Variants in TM2D1 observed in about 807,000 individuals in gnomAD.
The protein encoded by TM2D1 is TM2 domain-containing protein 1.
Under a neutral mutation model 28.4 loss-of-function variants are expected in TM2D1, and 15 were observed. The ratio of observed to expected loss-of-function variants is 0.53; its 90% confidence interval spans 0.35 to 0.81. The LOEUF (loss-of-function observed/expected upper bound fraction) is 0.81, where lower values mean the gene tolerates loss of function less well. Among genes scored for constraint, TM2D1 ranks in the 40% least tolerant of loss-of-function variants. TM2D1 has a pLI of 0.01. For synonymous variants in TM2D1, 93 were observed against 96.2 expected (o/e 0.97, Z 0.20); for missense variants, 236 against 254.9 (o/e 0.93, Z 0.50).
intron 6 of TM2D1, among the ~76,000 whole-genome samples, chr1:61,681,917 A>AT (rs1189062154): frequency 6.6e-6 from 1 of 152,066 alleles, no homozygotes; most frequent in Non-Finnish European, 1.5e-5. Context: ...TTAGGTCTTG[A>AT]TTTTTTTCCT....
intron 4 of TM2D1, chr1:61,700,396 C>A: frequency 8.4e-7 from 1 of 1,189,988 alleles, no homozygotes; most frequent in Non-Finnish European, 1.1e-6. Context: ...TTTTCATAAG[C>A]ATTAGTAACT....
chr1:61,723,650 A>T (rs1557542654), intron 2 of TM2D1, 63 bp downstream of exon 2: 2 of 851,282 alleles, frequency 2.3e-6, no homozygotes, highest in Non-Finnish European at 3.6e-6. Context: ...TAGTGATCAT[A>T]CATTGACCTA....
intron 2 of TM2D1, among the ~76,000 whole-genome samples, chr1:61,720,030 C>T (rs144304725): frequency 9.7e-4 from 147 of 152,216 alleles, no homozygotes; most frequent in African/African-American, 3.1e-3. Context: ...ACAGGTGTGT[C>T]GTTTGTGAAA....
chr1:61,692,434 AAAAG>A (rs945268820), intron 5 of TM2D1, among the ~76,000 whole-genome samples: 8 of 152,066 alleles, frequency 5.3e-5, no homozygotes, highest in African/African-American at 1.4e-4. Flanking sequence ...TTAATGGCAA[AAAAG>A]AAAGAAAGAA....
chr1:61,721,553 A>G (rs1644565261), intron 2 of TM2D1, among the ~76,000 whole-genome samples: 1 of 140,548 alleles, frequency 7.1e-6, no homozygotes, highest in African/African-American at 3.2e-5. Context: ...AAAAAAAAAA[A>G]AAAGAAAAAA....
At chr1:61,682,548 A>G (rs891010824) in intron 6 of TM2D1, among the ~76,000 whole-genome samples, 3 of 152,212 alleles carry the variant, frequency 2.0e-5, no homozygotes, top group African/African-American at 7.2e-5. Flanking sequence ...AGAAAACCAG[A>G]GAGTTGAACC....
At chr1:61,703,721 TATATATATA>T (rs1644419971) in intron 3 of TM2D1, among the ~76,000 whole-genome samples, 2 of 1,328 alleles carry the variant, frequency 1.5e-3, no homozygotes, top group African/African-American at 2.8e-3. Context: ...CCAATCTTTA[TATATATATA>T]TATATATATA....
chr1:61,723,289 G>A, intron 2 of TM2D1, among the ~76,000 whole-genome samples: 1 of 152,216 alleles, frequency 6.6e-6, no homozygotes, highest in Non-Finnish European at 1.5e-5. Flanking sequence ...GAAAGGACTT[G>A]TAGGTATTAT....
rs1486512444 is a variant in TM2D1, at chr1:61,724,987, G to A, written c.134C>T (p.Ser45Leu). ...CACTTTGAGGTCCTCGCACTTAAGCGACTCCTCGCCCCCGGCGGAGGTGGC... is the reference window on the plus strand; with the variant it reads ...CACTTTGAGGTCCTCGCACTTAAGCAACTCCTCGCCCCCGGCGGAGGTGGC... ...AVATSAGGEE[S>L]LKCEDLKVGQ... Residue 45 changes from serine (S) to leucine (L), a missense_variant, in exon 1 of 7, where the codon TCG (serine) becomes TTG (leucine). Physicochemically the swap from Ser to Leu is moderately radical, Grantham distance 145. Transcript: ENST00000606498. 8 of 1,605,998 alleles carry A rather than the reference G, an allele frequency of 5.0e-6. No individual in the cohort carries two copies.
intron 3 of TM2D1, among the ~76,000 whole-genome samples, chr1:61,702,663 T>C (rs1245719036): frequency 2.0e-5 from 3 of 151,378 alleles, no homozygotes; most frequent in African/African-American, 4.8e-5. Flanking sequence ...CCACCATGCC[T>C]GGTCCAATTC....
chr1:61,697,848 G>A (rs1307711191), intron 4 of TM2D1: 1 of 152,038 alleles, frequency 6.6e-6, no homozygotes, highest in East Asian at 1.9e-4. Flanking sequence ...TTCCTTAAAT[G>A]TATTACTCCA....
At chr1:61,707,080 C>G (rs1644446975) in intron 3 of TM2D1, among the ~76,000 whole-genome samples, 1 of 152,056 alleles carries the variant, frequency 6.6e-6, no homozygotes, top group Non-Finnish European at 1.5e-5. Context: ...CATGGTGAAA[C>G]CCCATCTCTA....
intron 2 of TM2D1, among the ~76,000 whole-genome samples, chr1:61,714,900 G>A (rs1030315544): frequency 3.3e-5 from 5 of 152,016 alleles, no homozygotes; most frequent in Non-Finnish European, 5.9e-5. Flanking sequence ...TATTTTGAGA[G>A]TTTTAGTTTT....
chr1:61,696,644 C>T (rs1393327229), intron 4 of TM2D1, among the ~76,000 whole-genome samples: 2 of 151,814 alleles, frequency 1.3e-5, no homozygotes, highest in Non-Finnish European at 2.9e-5. Flanking sequence ...AATAGGTAAT[C>T]ACATCAGGGC....
rs377723552 is a variant in TM2D1, at chr1:61,701,433, G to A, written c.348-408C>T. On this transcript the variant is annotated intron_variant, in intron 3 of 6. Transcript: ENST00000606498. ...GTGATATTTGAGCAGAGACCTGAGG[G>A]AAGTGAGTGAGATGGCCATGCCATG... 2.6e-4 allele frequency among the ~76,000 whole-genome samples: 39 copies of A among 151,980 alleles called. No homozygotes were observed. The Middle Eastern group carries it at 0.01, about 40-fold the overall frequency.
intron 2 of TM2D1, among the ~76,000 whole-genome samples, chr1:61,715,341 A>AT (rs1557538589): frequency 1.3e-5 from 2 of 152,112 alleles, no homozygotes; most frequent in African/African-American, 4.8e-5. Context: ...GACATGGGAC[A>AT]TATCTTTTAT....
intron 5 of TM2D1, among the ~76,000 whole-genome samples, chr1:61,687,234 G>A (rs572735698): frequency 6.6e-6 from 1 of 152,212 alleles, no homozygotes; most frequent in East Asian, 1.9e-4. Flanking sequence ...GTATATTAGA[G>A]GTTACCAGAA....
chr1:61,706,089 C>A (rs751394662), intron 3 of TM2D1, among the ~76,000 whole-genome samples: 17 of 152,164 alleles, frequency 1.1e-4, no homozygotes, highest in Non-Finnish European at 2.4e-4. Flanking sequence ...TAGGCACATA[C>A]CTAATATCTC....
intron 4 of TM2D1, chr1:61,698,140 C>G (rs563795765): frequency 6.6e-6 from 1 of 152,150 alleles, no homozygotes; most frequent in Non-Finnish European, 1.5e-5. Context: ...TTCCTCCCTA[C>G]TGAACATTTA....
Sources: allele counts gnomAD v4.1 joint callset (sites outside exome capture counted in the v4.1 genomes callset), GRCh38; gene constraint gnomAD v4.1.1; transcripts MANE v1.5; gene names NCBI Gene and HGNC (gene_info 2026-07-23, HGNC 2026-07-21).